SNTG2: variants seen among roughly 807,000 people sequenced by gnomAD.
SNTG2 encodes gamma-2-syntrophin.
SNTG2 carries 74 observed loss-of-function variants against 70.9 expected under a neutral mutation model. The observed-to-expected ratio is 1.04, with a 90% confidence interval of 0.86 to 1.27. The LOEUF (loss-of-function observed/expected upper bound fraction) is 1.27, where lower values mean the gene tolerates loss of function less well. Ranked by LOEUF, SNTG2 falls within the 50% of genes most tolerant of loss-of-function variation. SNTG2 has a pLI of 0.00. For synonymous variants in SNTG2, 278 were observed against 273.8 expected, an observed-to-expected ratio of 1.02 and a Z score of -0.15; for missense variants, 717 against 690.7, an observed-to-expected ratio of 1.04 and a Z score of -0.43.
chr2:988,236 C>T (rs1440395469), intron 1 of SNTG2, among the ~76,000 whole-genome samples: 4 of 152,158 alleles, frequency 2.6e-5, no homozygotes, highest in East Asian at 3.9e-4. Flanking sequence ...AGCCTGTGGC[C>T]GCCCAAGGCC....
chr2:1,235,744 C>T (rs35784786), intron 9 of SNTG2, among the ~76,000 whole-genome samples: 50,004 of 151,974 alleles, frequency 0.33, 10,104 homozygotes, highest in African/African-American at 0.58. Flanking sequence ...TGGCACCACC[C>T]CCTGTTCCTC....
chr2:1,115,456 A>T (rs1666888707), intron 4 of SNTG2, among the ~76,000 whole-genome samples: 1 of 151,938 alleles, frequency 6.6e-6, no homozygotes, highest in Non-Finnish European at 1.5e-5. Context: ...TTACCCTTAC[A>T]GTCCTTTGAG....
chr2:1,010,885 C>T (rs1370876703), intron 1 of SNTG2, among the ~76,000 whole-genome samples: 2 of 152,210 alleles, frequency 1.3e-5, no homozygotes, highest in Non-Finnish European at 2.9e-5. Flanking sequence ...GAAGCACTTA[C>T]TGTGTAGGCC....
chr2:976,573 C>T lies in SNTG2; in HGVS notation c.72+25505C>T, dbSNP rs529454492. Reference sequence around the variant, plus strand: ...TGAGAGCAGAAGCATGACAGTGCTCCGGTGTGCACGGGGGCTCTGGTGCTC... The same window carrying T: ...TGAGAGCAGAAGCATGACAGTGCTCTGGTGTGCACGGGGGCTCTGGTGCTC... On this transcript the variant is annotated intron_variant, in intron 1 of 16. Coordinates refer to ENST00000308624, the MANE Select transcript of SNTG2 (RefSeq NM_018968.4). Among the ~76,000 whole-genome samples, 7 of 152,320 alleles carry T rather than the reference C, an allele frequency of 4.6e-5. No homozygotes were observed. In the East Asian group the frequency reaches 7.7e-4, roughly 17 times the overall value.
chr2:1,331,843 T>C (rs1260026071), intron 16 of SNTG2, among the ~76,000 whole-genome samples: 1 of 152,238 alleles, frequency 6.6e-6, no homozygotes, highest in Non-Finnish European at 1.5e-5. Flanking sequence ...TCTCATTGCA[T>C]GTTCAGAAAA....
chr2:1,338,425 C>G (rs1037898312), intron 16 of SNTG2, among the ~76,000 whole-genome samples: 4 of 152,034 alleles, frequency 2.6e-5, no homozygotes, highest in Non-Finnish European at 4.4e-5. Context: ...TAAGTTCATT[C>G]CTTAGCATTT....
At chr2:1,029,150 A>G (rs904386450) in intron 1 of SNTG2, among the ~76,000 whole-genome samples, 4 of 152,178 alleles carry the variant, frequency 2.6e-5, no homozygotes, top group African/African-American at 9.7e-5. Context: ...ACCCCAGTTT[A>G]TTTCTATAAA....
intron 1 of SNTG2, among the ~76,000 whole-genome samples, chr2:1,021,313 A>C (rs1295055954): frequency 6.6e-6 from 1 of 152,212 alleles, no homozygotes; most frequent in East Asian, 1.9e-4. Flanking sequence ...CTGCACCCAT[A>C]AAAGTCTGTT....
In SNTG2 at chr2:1,238,081, A is replaced by G; in HGVS notation, c.849+64A>G. 5 of 1,535,020 alleles carry G rather than the reference A, an allele frequency of 3.3e-6. No homozygotes were observed. In the South Asian group the frequency reaches 3.6e-5, roughly 11 times the overall value. ...TTCGTGCATGAAAAATAATGGAGAC[A>G]TCATGTTTCTGATGATTTATGATTA... On this transcript the variant is annotated intron_variant, in intron 10 of 16. Transcript: ENST00000308624.
At chr2:1,233,520 C>T (rs116525877) in intron 9 of SNTG2, among the ~76,000 whole-genome samples, 1,553 of 152,220 alleles carry the variant, frequency 0.01, 28 homozygotes, top group African/African-American at 0.036. Flanking sequence ...GGGCTTTTCC[C>T]GGCAGGAGCC....
chr2:1,186,408 T>C (rs1334734205), intron 8 of SNTG2, among the ~76,000 whole-genome samples: 1 of 152,228 alleles, frequency 6.6e-6, no homozygotes, highest in Non-Finnish European at 1.5e-5. Context: ...TTTATAGCAA[T>C]ACCTTAGCAG....
chr2:1,002,382 C>T (rs1198471464), intron 1 of SNTG2, among the ~76,000 whole-genome samples: 1 of 151,976 alleles, frequency 6.6e-6, no homozygotes, highest in African/African-American at 2.4e-5. Flanking sequence ...CCAGAATCTA[C>T]AAGGAATGCA....
chr2:985,653 A>G (rs1041159177), intron 1 of SNTG2, among the ~76,000 whole-genome samples: 2 of 152,114 alleles, frequency 1.3e-5, no homozygotes, highest in Non-Finnish European at 2.9e-5. Flanking sequence ...TCAGTCAGAA[A>G]TCTAGCATTC....
At chr2:1,303,400 A>G (rs189100658) in intron 14 of SNTG2, among the ~76,000 whole-genome samples, 1 of 151,982 alleles carries the variant, frequency 6.6e-6, no homozygotes, top group East Asian at 1.9e-4. Context: ...TGTGTCAAAC[A>G]TGCAGTTTCA....
chr2:1,093,555 GC>G (rs1204255689), intron 2 of SNTG2, among the ~76,000 whole-genome samples: 2 of 152,192 alleles, frequency 1.3e-5, no homozygotes, highest in Non-Finnish European at 2.9e-5. Flanking sequence ...AAATGTTAGA[GC>G]CTTCATAATT....
chr2:1,287,064 G>A lies in SNTG2; in HGVS notation c.1284+19493G>A, dbSNP rs141412258. Among the ~76,000 whole-genome samples, 167 of 152,272 alleles carry A rather than the reference G, an allele frequency of 1.1e-3. No individual in the cohort carries two copies. The East Asian group carries it at 0.028, about 26-fold the overall frequency. On this transcript the variant is annotated intron_variant, in intron 14 of 16. Coordinates refer to ENST00000308624, the MANE Select transcript of SNTG2 (RefSeq NM_018968.4). ...AGACAAAGCTTGCAGAAGGGCAGGC[G>A]TGTTTGGAAGGAACTCTGGGTTGGG...
intron 16 of SNTG2, among the ~76,000 whole-genome samples, chr2:1,366,947 G>A (rs757007822): frequency 3.9e-5 from 6 of 152,220 alleles, no homozygotes; most frequent in East Asian, 1.9e-4. Flanking sequence ...CTGCTGCGAC[G>A]GGATCCACAT....
intron 1 of SNTG2, among the ~76,000 whole-genome samples, chr2:1,057,460 G>A (rs1227409167): frequency 6.6e-6 from 1 of 152,156 alleles, no homozygotes; most frequent in East Asian, 1.9e-4. Context: ...TGAGGAGCAA[G>A]GAAGCCAGTT....
intron 14 of SNTG2, among the ~76,000 whole-genome samples, chr2:1,297,502 G>C (rs982603853): frequency 6.6e-6 from 1 of 151,836 alleles, no homozygotes; most frequent in Non-Finnish European, 1.5e-5. Flanking sequence ...CGGCGCCTCT[G>C]CAGCTCCTTC....
Sources: gnomAD v4.1 joint callset for allele counts (sites outside exome capture counted in the v4.1 genomes callset) on GRCh38, gnomAD v4.1.1 for gene constraint, MANE v1.5 for transcripts, NCBI Gene and HGNC (gene_info 2026-07-23, HGNC 2026-07-21) for gene names.